SUGCT: variants seen among roughly 807,000 people sequenced by gnomAD.
SUGCT encodes succinyl-CoA:glutarate-CoA transferase, also known as succinyl-CoA:glutarate CoA-transferase.
SUGCT carries 41 observed loss-of-function variants against 55.0 expected under a neutral mutation model. The observed-to-expected ratio is 0.74, with a 90% CI of 0.58 to 0.97. The LOEUF (loss-of-function observed/expected upper bound fraction) is 0.97, where lower values mean the gene tolerates loss of function less well. Among genes scored for constraint, SUGCT ranks in the 50% least tolerant of loss-of-function variants. SUGCT has a pLI of 0.00. For synonymous variants in SUGCT, 187 were observed against 200.4 expected (o/e 0.93, Z 0.56); for missense variants, 568 against 547.8 (o/e 1.04, Z -0.37).
chr7:40,459,042 C>T, intron 10 of SUGCT, 59 bp from the exon 11 acceptor site: 1 of 1,089,520 alleles, frequency 9.2e-7, no homozygotes, highest in Non-Finnish European at 1.4e-6. Context: ...CACTAGCACC[C>T]ACAGGCAGGT....
intron 12 of SUGCT, among the ~76,000 whole-genome samples, chr7:40,522,346 C>T (rs1317430436): frequency 6.6e-6 from 1 of 152,108 alleles, no homozygotes; most frequent in African/African-American, 2.4e-5. Context: ...AAAGCCCTTT[C>T]TCTAAGTTTC....
intron 12 of SUGCT, among the ~76,000 whole-genome samples, chr7:40,573,325 A>G (rs1796555548): frequency 6.6e-6 from 1 of 152,206 alleles, no homozygotes; most frequent in East Asian, 1.9e-4. Flanking sequence ...GAACAGAACA[A>G]CTGTTTGAAT....
the SUGCT span, among the ~76,000 whole-genome samples, chr7:40,976,699 A>G: frequency 1.3e-5 from 2 of 152,200 alleles, no homozygotes; most frequent in Non-Finnish European, 2.9e-5. Context: ...TGTCTTCTGG[A>G]ATCAGGAGCT....
intron 9 of SUGCT, among the ~76,000 whole-genome samples, chr7:40,448,343 G>A (rs1788975092): frequency 6.7e-6 from 1 of 149,884 alleles, no homozygotes; most frequent in African/African-American, 2.5e-5. Context: ...GCCTTATAAT[G>A]CTTTTTGCCC....
intron 9 of SUGCT, among the ~76,000 whole-genome samples, chr7:40,333,612 G>T (rs1320923126): frequency 8.9e-6 from 1 of 112,756 alleles, no homozygotes; most frequent in African/African-American, 3.6e-5. Flanking sequence ...ACTCCAGCCT[G>T]GGTGACAGGG....
At chr7:40,368,327 A>G (rs886686799) in intron 9 of SUGCT, among the ~76,000 whole-genome samples, 4 of 152,044 alleles carry the variant, frequency 2.6e-5, no homozygotes, top group African/African-American at 9.7e-5. Flanking sequence ...CGTCCTGAGT[A>G]GCTAGGATTA....
At chr7:40,862,586 C>T (rs1425952524), downstream of SUGCT, among the ~76,000 whole-genome samples, 1 of 152,166 alleles carries the variant, frequency 6.6e-6, no homozygotes, top group African/African-American at 2.4e-5. Flanking sequence ...TACTAATATA[C>T]CATATGCTCA....
At chr7:40,379,338 C>G (rs1422527913) in intron 9 of SUGCT, among the ~76,000 whole-genome samples, 2 of 152,162 alleles carry the variant, frequency 1.3e-5, no homozygotes, top group Non-Finnish European at 2.9e-5. Flanking sequence ...CTAGTCTAGT[C>G]TTTGTCTGGT....
intron 13 of SUGCT, among the ~76,000 whole-genome samples, chr7:40,843,212 G>GA (rs34437681): frequency 6.6e-6 from 1 of 152,068 alleles, no homozygotes; most frequent in Non-Finnish European, 1.5e-5. Flanking sequence ...GTGGCAGGAT[G>GA]AAAAAAAGTA....
At chr7:40,333,504 G>A (rs1419654627) in intron 9 of SUGCT, among the ~76,000 whole-genome samples, 3 of 150,410 alleles carry the variant, frequency 2.0e-5, no homozygotes, top group Middle Eastern at 3.5e-3. Flanking sequence ...CAGTGTGGGG[G>A]CATGGACCTG....
chr7:40,943,829 G>C, the SUGCT span, among the ~76,000 whole-genome samples: 1 of 151,828 alleles, frequency 6.6e-6, no homozygotes, highest in African/African-American at 2.4e-5. Flanking sequence ...GGTATTTCTA[G>C]TTCTAGATCC....
chr7:40,820,604 C>T (rs1242692840), intron 13 of SUGCT, among the ~76,000 whole-genome samples: 1 of 152,088 alleles, frequency 6.6e-6, no homozygotes, highest in Non-Finnish European at 1.5e-5. Context: ...GTGATTTTTG[C>T]AGATTGATTT....
intron 1 of SUGCT, among the ~76,000 whole-genome samples, chr7:40,135,910 G>C (rs1474552927): frequency 6.6e-6 from 1 of 151,968 alleles, no homozygotes; most frequent in Non-Finnish European, 1.5e-5. Flanking sequence ...TCCCGCCTCG[G>C]CCTCCCAAAG....
chr7:40,198,534 C>T (rs930744573), intron 6 of SUGCT, among the ~76,000 whole-genome samples: 1 of 152,158 alleles, frequency 6.6e-6, no homozygotes, highest in Non-Finnish European at 1.5e-5. Flanking sequence ...AGTTTGTGTG[C>T]ATATAAAGCA....
At chr7:40,369,782 A>G (rs1165291012) in intron 9 of SUGCT, among the ~76,000 whole-genome samples, 2 of 152,192 alleles carry the variant, frequency 1.3e-5, no homozygotes, top group Non-Finnish European at 2.9e-5. Context: ...TTAGGAGTCC[A>G]AGCAAAGTTT....
At chr7:40,358,972 T>C (rs1262406718) in intron 9 of SUGCT, among the ~76,000 whole-genome samples, 1 of 152,196 alleles carries the variant, frequency 6.6e-6, no homozygotes, top group African/African-American at 2.4e-5. Context: ...AATATGATTG[T>C]TAGCCAAAGA....
the SUGCT span, among the ~76,000 whole-genome samples, chr7:40,886,226 C>T: frequency 6.6e-6 from 1 of 151,906 alleles, no homozygotes; most frequent in Non-Finnish European, 1.5e-5. Context: ...CTTCATTTTC[C>T]TCATGGGTAT....
intron 9 of SUGCT, among the ~76,000 whole-genome samples, chr7:40,342,024 A>T (rs955027794): frequency 1.3e-5 from 2 of 152,250 alleles, no homozygotes; most frequent in Admixed American, 1.3e-4. Flanking sequence ...GCAGTGGTAC[A>T]TGTCAAGTCT....
the SUGCT span, among the ~76,000 whole-genome samples, chr7:40,871,748 C>T: frequency 6.7e-6 from 1 of 149,378 alleles, no homozygotes; most frequent in African/African-American, 2.5e-5. Flanking sequence ...CAAACCTTGT[C>T]TGGAGGAGGC....
Sources: allele counts gnomAD v4.1 joint callset (sites outside exome capture counted in the v4.1 genomes callset), GRCh38; gene constraint gnomAD v4.1.1; transcripts MANE v1.5; gene names NCBI Gene and HGNC (gene_info 2026-07-23, HGNC 2026-07-21).